Variants in DLC1 observed in about 807,000 individuals in gnomAD.
DLC1 encodes the protein rho GTPase-activating protein 7.
A neutral mutation model predicts 140.3 loss-of-function variants in DLC1; 54 were observed. The observed-to-expected ratio is 0.38, with a 90% CI of 0.31 to 0.48. DLC1 has a LOEUF of 0.48. Among genes scored for constraint, DLC1 ranks in the 20% least tolerant of loss-of-function variants. The pLI is 0.96. For missense variants in DLC1, 2,536 were observed against 1,907.0 expected, an observed-to-expected ratio of 1.33 and a Z score of -6.14; for synonymous variants, 986 against 728.1, an observed-to-expected ratio of 1.35 and a Z score of -5.70.
intron 5 of DLC1, among the ~76,000 whole-genome samples, chr8:13,123,029 C>G (rs548025452): frequency 6.6e-6 from 1 of 152,136 alleles, no homozygotes; most frequent in East Asian, 1.9e-4. Context: ...GACACAAGCT[C>G]CTGACTTGAA....
intron 1 of DLC1, among the ~76,000 whole-genome samples, chr8:13,593,696 A>G (rs1805593790): frequency 6.6e-6 from 1 of 152,150 alleles, no homozygotes; most frequent in Non-Finnish European, 1.5e-5. Flanking sequence ...GTGGGTTACT[A>G]TGAAAACAAC....
At chr8:13,306,085 G>T (rs1832410862) in intron 4 of DLC1, among the ~76,000 whole-genome samples, 1 of 152,066 alleles carries the variant, frequency 6.6e-6, no homozygotes, top group South Asian at 2.1e-4. Flanking sequence ...TACTTCAGAG[G>T]ATTGCTGAAA....
intron 7 of DLC1, among the ~76,000 whole-genome samples, chr8:13,109,568 A>T (rs923793607): frequency 1.9e-4 from 28 of 147,360 alleles, no homozygotes; most frequent in African/African-American, 6.8e-4. Flanking sequence ...AAAAATAAAA[A>T]AAAATAAAAT....
intron 1 of DLC1, among the ~76,000 whole-genome samples, chr8:13,525,021 G>A (rs1362037905): frequency 6.6e-6 from 1 of 151,986 alleles, no homozygotes; most frequent in African/African-American, 2.4e-5. Flanking sequence ...TGCTCCCAAG[G>A]CAACGACTGA....
chr8:13,169,454 A>G (rs868374760), intron 5 of DLC1, among the ~76,000 whole-genome samples: 2 of 152,348 alleles, frequency 1.3e-5, no homozygotes, highest in Middle Eastern at 6.8e-3. Flanking sequence ...TAATATGGAT[A>G]AAATATCTCA....
chr8:13,556,379 C>A lies in DLC1; in HGVS notation c.-126+48158G>T, dbSNP rs376176230. On this transcript the variant is annotated intron_variant, in intron 1 of 1. Transcript: ENST00000631382. ...CAATCCTAGAAAATATTGATGTCTG[C>A]GTCTGACTTCCAAAAATTCTGATTT... 8.1e-4 allele frequency among the ~76,000 whole-genome samples: 123 copies of A among 152,256 alleles called. No homozygotes were observed. The South Asian group carries it at 0.012, about 15-fold the overall frequency.
intron 1 of DLC1, among the ~76,000 whole-genome samples, chr8:13,510,097 T>C (rs1465293552): frequency 6.6e-6 from 1 of 152,136 alleles, no homozygotes; most frequent in Non-Finnish European, 1.5e-5. Flanking sequence ...AAACTATCTC[T>C]TCTATGTCCA....
chr8:13,449,468 G>A (rs1798943210), intron 2 of DLC1, among the ~76,000 whole-genome samples: 1 of 152,074 alleles, frequency 6.6e-6, no homozygotes, highest in Non-Finnish European at 1.5e-5. Flanking sequence ...TTATGTACTG[G>A]CTATAGGATG....
intron 5 of DLC1, among the ~76,000 whole-genome samples, chr8:13,171,010 T>C (rs1039897399): frequency 6.6e-6 from 1 of 152,220 alleles, no homozygotes; most frequent in African/African-American, 2.4e-5. Context: ...ACTCATGTTA[T>C]GTTTACTGAT....
rs200908536 is a variant in DLC1 at position 13,305,260 on chromosome 8, T to A, written c.1348+9A>T. 4 of 1,608,978 alleles carry A rather than the reference T, an allele frequency of 2.5e-6. No individual in the cohort carries two copies. ...TTGGCGAGAAAACAGAACCAAAATGTCAACTTACCAGCCTTTTCCTTCTCT... is the reference window on the plus strand; with the variant it reads ...TTGGCGAGAAAACAGAACCAAAATGACAACTTACCAGCCTTTTCCTTCTCT... On this transcript the variant is annotated intron_variant, in intron 5 of 17. Coordinates refer to ENST00000276297, the MANE Select transcript of DLC1 (RefSeq NM_182643.3).
chr8:13,133,053 G>C (rs1585728105), intron 5 of DLC1: 2 of 1,565,684 alleles, frequency 1.3e-6, no homozygotes, highest in Non-Finnish European at 1.7e-6. Context: ...CTTCCGCGTC[G>C]GGACCCACGG....
chr8:13,394,200 A>G (rs938833922), intron 3 of DLC1, among the ~76,000 whole-genome samples: 39 of 152,304 alleles, frequency 2.6e-4, no homozygotes, highest in African/African-American at 9.4e-4. Flanking sequence ...GTGGCCTGGA[A>G]TATTTGAGCT....
chr8:13,413,119 T>C (rs1837864969), intron 2 of DLC1, among the ~76,000 whole-genome samples: 1 of 151,860 alleles, frequency 6.6e-6, no homozygotes, highest in South Asian at 2.1e-4. Flanking sequence ...AAGTGTTCTA[T>C]AGAGAGTTTG....
At chr8:13,127,089 T>G (rs547564175) in intron 5 of DLC1, among the ~76,000 whole-genome samples, 1 of 152,328 alleles carries the variant, frequency 6.6e-6, no homozygotes, top group South Asian at 2.1e-4. Flanking sequence ...CGTTCTCAGT[T>G]TTGTGCCAAA....
intron 5 of DLC1, among the ~76,000 whole-genome samples, chr8:13,251,373 A>G (rs1188714395): frequency 6.6e-6 from 1 of 152,156 alleles, no homozygotes; most frequent in Non-Finnish European, 1.5e-5. Flanking sequence ...TTTGCTGCTG[A>G]TTATTGGCAA....
chr8:13,590,058 C>T (rs1805465047), intron 1 of DLC1, among the ~76,000 whole-genome samples: 2 of 120,010 alleles, frequency 1.7e-5, no homozygotes, highest in African/African-American at 6.7e-5. Flanking sequence ...AGAAACTCAA[C>T]ATGCATATAT....
intron 2 of DLC1, among the ~76,000 whole-genome samples, chr8:13,442,653 A>G (rs746028305): frequency 1.1e-4 from 16 of 152,222 alleles, no homozygotes; most frequent in Admixed American, 2.6e-4. Context: ...AACCACAATG[A>G]GATACCATCT....
chr8:13,315,363 T>G (rs1015013905), intron 4 of DLC1, among the ~76,000 whole-genome samples: 1 of 152,236 alleles, frequency 6.6e-6, no homozygotes, highest in Non-Finnish European at 1.5e-5. Context: ...ATTTGGTGCT[T>G]TCAAAGTGGT....
chr8:13,463,968 A>G (rs1259117342), intron 2 of DLC1, among the ~76,000 whole-genome samples: 1 of 152,234 alleles, frequency 6.6e-6, no homozygotes, highest in Admixed American at 6.5e-5. Context: ...TGAAATAAAA[A>G]GAAGAGAGAA....
Sources: gnomAD v4.1 joint callset for allele counts (sites outside exome capture counted in the v4.1 genomes callset) on GRCh38, gnomAD v4.1.1 for gene constraint, MANE v1.5 for transcripts, NCBI Gene and HGNC (gene_info 2026-07-23, HGNC 2026-07-21) for gene names.